Variants in QSOX1 observed in about 807,000 individuals in gnomAD.
The protein encoded by QSOX1 is sulfhydryl oxidase 1.
In QSOX1, 40 loss-of-function variants were observed where a neutral mutation model predicts 76.1. That is an observed-to-expected ratio of 0.53 (90% CI 0.41 to 0.68). The LOEUF is 0.68. QSOX1 is among the 30% of genes least tolerant of loss of function. The probability of loss-of-function intolerance (pLI) is 0.00; values close to 1 mark genes in which losing one functional copy is unlikely to be tolerated. For synonymous variants in QSOX1, 392 were observed against 413.1 expected, an observed-to-expected ratio of 0.95 and a Z score of 0.62; for missense variants, 931 against 974.3, an observed-to-expected ratio of 0.96 and a Z score of 0.59.
At chr1:180,158,834 G>T (rs1662428295) in intron 1 of QSOX1, among the ~76,000 whole-genome samples, 1 of 152,194 alleles carries the variant, frequency 6.6e-6, no homozygotes. Flanking sequence ...CTTGTTAAGA[G>T]TTGTTTGCCA....
At position 180,184,122 on chromosome 1, in the gene QSOX1, C is replaced by T. The variant is rs1268217770; in HGVS notation, c.887+72C>T. ...ACAGACCACCACACCTTCACACCCA[C>T]GCCCTCTTGCTCATTCTTCTTCCTT... On this transcript the variant is annotated intron_variant, in intron 7 of 11. Transcript: ENST00000367602. 50 of 1,526,768 alleles carry T rather than the reference C, an allele frequency of 3.3e-5. 1 individual carries two copies. In the East Asian group the frequency reaches 8.2e-4, roughly 25 times the overall value. The allele number at this position is 1,526,768 out of a possible 1,614,324, so 94.6% of individuals were successfully genotyped here.
rs143337247 is a variant in QSOX1, at chr1:180,194,323, G to A, written c.1399G>A (p.Val467Met). The A allele has an allele frequency of 4.8e-5, 77 of 1,610,006 alleles. 1 individual carries two copies. In the African/African-American group the frequency reaches 9.1e-4, roughly 19 times the overall value. Residue 467 changes from valine (V) to methionine (M), a missense_variant, in exon 11 of 12, where the codon GTG (valine) becomes ATG (methionine). Physicochemically the swap from Val to Met is conservative, Grantham distance 21 (BLOSUM62 1). Transcript: ENST00000367602. ...GATGGCTGCTGCCTCCATGCACCGG[G>A]TGGGGAGTCCCAACGCCGCTGTCCT... ...EQMAAASMHR[V>M]GSPNAAVLWL...
chr1:180,196,154 G>A lies in QSOX1; in HGVS notation c.1469-108G>A, dbSNP rs1289442799. 17 of 1,370,764 alleles carry A rather than the reference G, an allele frequency of 1.2e-5. 1 individual carries two copies. Among genetic ancestry groups the A allele is most frequent in the East Asian group, 7.0e-5 (3 of 42,730 alleles). The allele number at this position is 1,370,764 out of a possible 1,614,324, so 84.9% of individuals were successfully genotyped here. A position where few individuals can be genotyped will look rare whatever the true frequency, so the allele number is the denominator to read the frequency against. Reference sequence around the variant, plus strand: ...ACCCATCCTCTGGAAGGGCAGTGGCGAGCCCTTTCTGCAGACAAGGAAGCT... The same window carrying A: ...ACCCATCCTCTGGAAGGGCAGTGGCAAGCCCTTTCTGCAGACAAGGAAGCT... On this transcript the variant is annotated intron_variant, in intron 11 of 11. Coordinates refer to ENST00000367602, the MANE Select transcript of QSOX1 (RefSeq NM_002826.5). The surrounding 1 kb of genome is among the most constrained non-coding windows in gnomAD (Gnocchi z 4.1).
In QSOX1 at chr1:180,190,422, G is replaced by A; in HGVS notation, c.1141-11G>A. The stretch of plus-strand genomic sequence containing the variant: ...TCTCCATATGTGCACTCACACTCAT[G>A]TGTCCCTCAGGGTGCCGTTCTTGCC... On this transcript the variant is annotated splice_polypyrimidine_tract_variant and intron_variant, in intron 9 of 11. Transcript: ENST00000367602. 6.2e-7 allele frequency: 1 copy of A among 1,610,972 alleles called. No individual in the cohort carries two copies. Among genetic ancestry groups the A allele is most frequent in the South Asian group, 1.1e-5 (1 of 90,986 alleles).
chr1:180,187,379 C>T (rs940545883), intron 8 of QSOX1, among the ~76,000 whole-genome samples: 9 of 152,158 alleles, frequency 5.9e-5, no homozygotes, highest in African/African-American at 1.9e-4. Flanking sequence ...GGTTGACAAC[C>T]TAGAGACTTA....
intron 9 of QSOX1, 128 bp from the exon 10 acceptor site, chr1:180,190,305 A>G: frequency 9.2e-7 from 1 of 1,086,844 alleles, no homozygotes; most frequent in Non-Finnish European, 1.4e-6. Context: ...TGAAAGGGAA[A>G]TGCCACCTTC....
At chr1:180,164,719 G>T (rs1292989768) in intron 1 of QSOX1, among the ~76,000 whole-genome samples, 1 of 152,236 alleles carries the variant, frequency 6.6e-6, no homozygotes, top group Non-Finnish European at 1.5e-5. Flanking sequence ...GTTCTTCTGA[G>T]ACGTCGTAAG....
At chr1:180,193,782 G>A (rs762250098) in intron 10 of QSOX1, among the ~76,000 whole-genome samples, 18 of 152,156 alleles carry the variant, frequency 1.2e-4, no homozygotes, top group South Asian at 6.2e-4. Flanking sequence ...GTCCAGGCCC[G>A]AGGGAGGTGA....
chr1:180,177,498 G>A (rs1475129357), intron 4 of QSOX1, among the ~76,000 whole-genome samples: 2 of 152,178 alleles, frequency 1.3e-5, no homozygotes, highest in African/African-American at 2.4e-5. Context: ...CAGGCAATCG[G>A]CCTGCCTTGG....
At chr1:180,166,697 C>G in intron 2 of QSOX1, 106 bp downstream of exon 2, 1 of 1,101,184 alleles carries the variant, frequency 9.1e-7, no homozygotes. Context: ...TTCAGCTGCT[C>G]TGATTTGAGC....
chr1:180,161,191 A>G (rs1316976098), intron 1 of QSOX1, among the ~76,000 whole-genome samples: 1 of 152,184 alleles, frequency 6.6e-6, no homozygotes, highest in African/African-American at 2.4e-5. Flanking sequence ...AATAAAATAA[A>G]ATTCAGACTA....
intron 8 of QSOX1, among the ~76,000 whole-genome samples, chr1:180,187,098 C>T (rs1037590771): frequency 6.6e-6 from 1 of 152,170 alleles, no homozygotes; most frequent in African/African-American, 2.4e-5. Context: ...GCTGGGGCTG[C>T]CCTCGGGTGA....
In QSOX1 at chr1:180,201,157, T is replaced by A. The variant is rs1164065230; in HGVS notation, c.*4120T>A. 1 of 152,184 alleles carries A rather than the reference T, an allele frequency of 6.6e-6. No individual in the cohort carries two copies. The highest frequency in any genetic ancestry group is 1.5e-5 in the Non-Finnish European group (1 of 68,024). 9.4% of individuals were successfully genotyped at this position (152,184 alleles called of 1,614,324 possible). The stretch of plus-strand genomic sequence containing the variant: ...GTCCCTGCTAAATTCCTCTCCCTCT[T>A]CCTGGGATTCCCATCCATGTATTGC... On this transcript the variant is annotated 3_prime_UTR_variant, in exon 12 of 12. Coordinates refer to ENST00000367602, the MANE Select transcript of QSOX1 (RefSeq NM_002826.5).
At position 180,173,836 on chromosome 1, in the gene QSOX1, T is replaced by G. The variant is rs988531527; in HGVS notation, c.367-1485T>G. ...GCACTAGGTACCATGCTAAGCACTT[T>G]AGATGTATGGTCATGGAATCCTCAC... On this transcript the variant is annotated intron_variant, in intron 2 of 11. Transcript: ENST00000367602. Among the ~76,000 whole-genome samples the G allele has an allele frequency of 2.0e-5, 3 of 152,224 alleles. No homozygotes were observed. In the East Asian group the frequency reaches 5.8e-4, roughly 29 times the overall value.
At position 180,159,879 on chromosome 1, in the gene QSOX1, T is replaced by C. The variant is rs115549508; in HGVS notation, c.265+4707T>C. Among the ~76,000 whole-genome samples the C allele has an allele frequency of 7.1e-3, 1,080 of 152,306 alleles. 13 individuals are homozygous for C. Among genetic ancestry groups the C allele is most frequent in the African/African-American group, 0.025 (1,037 of 41,564 alleles). On this transcript the variant is annotated intron_variant, in intron 1 of 11. Transcript: ENST00000367602. ...TTATTTAACAGTTCTCCCCTTTTGG[T>C]CAGGTTCTCACCTAGGTGAGAGTTA...
Position 180,201,405 on chromosome 1 carries a change from A to G in QSOX1, c.*4368A>G, listed in dbSNP as rs1663636431. ...CTGCCTCATTCTCCCTCAGGTGCCA[A>G]GGAAGCTCCAGGGTGGGCCCAGTAT... On this transcript the variant is annotated 3_prime_UTR_variant, in exon 12 of 12. Coordinates refer to ENST00000367602, the MANE Select transcript of QSOX1 (RefSeq NM_002826.5). 1 of 152,286 alleles carries G rather than the reference A, an allele frequency of 6.6e-6. No individual in the cohort carries two copies. Among genetic ancestry groups the G allele is most frequent in the Non-Finnish European group, 1.5e-5 (1 of 68,162 alleles). 9.4% of individuals were successfully genotyped at this position (152,286 alleles called of 1,614,324 possible).
chr1:180,197,042 C>A lies in QSOX1; in HGVS notation c.*5C>A. 6.2e-7 allele frequency: 1 copy of A among 1,600,170 alleles called. No individual in the cohort carries two copies. The highest frequency in any genetic ancestry group is 8.5e-7 in the Non-Finnish European group (1 of 1,173,406). On this transcript the variant is annotated 3_prime_UTR_variant, in exon 12 of 12. Transcript: ENST00000367602. ...GCTGGCCACCCTGCAGCCTGAACCA[C>A]CTGGGGAGGAGGCGGGAGAGGGAGC...
At chr1:180,172,897 G>T (rs148411611) in intron 2 of QSOX1, among the ~76,000 whole-genome samples, 1 of 152,126 alleles carries the variant, frequency 6.6e-6, no homozygotes, top group South Asian at 2.1e-4. Flanking sequence ...TGACCTGATG[G>T]TTGATGACAA....
At chr1:180,171,701 T>G (rs921939537) in intron 2 of QSOX1, among the ~76,000 whole-genome samples, 2 of 152,108 alleles carry the variant, frequency 1.3e-5, no homozygotes, top group Non-Finnish European at 2.9e-5. Context: ...ACCTGACATG[T>G]GTCTGTAGGA....
Sources: allele counts gnomAD v4.1 joint callset (sites outside exome capture counted in the v4.1 genomes callset), GRCh38; gene constraint gnomAD v4.1.1; non-coding constraint Gnocchi (gnomAD v3.1); transcripts MANE v1.5; gene names NCBI Gene and HGNC (gene_info 2026-07-23, HGNC 2026-07-21).